The following KMT2E variants were observed in gnomAD, a reference collection of about 807,000 sequenced individuals.
KMT2E encodes the protein histone reader KMT2E.
Under a neutral mutation model 184.6 loss-of-function variants are expected in KMT2E, and 30 were observed. The ratio of observed to expected loss-of-function variants is 0.16; its 90% CI spans 0.12 to 0.22. The LOEUF is 0.22. Ranked by LOEUF, KMT2E falls within the 10% of genes least tolerant of loss-of-function variation. The pLI is 1.00. For missense variants in KMT2E, 2,023 were observed against 2,237.4 expected, an observed-to-expected ratio of 0.90 and a Z score of 1.93; for synonymous variants, 815 against 776.5, an observed-to-expected ratio of 1.05 and a Z score of -0.82.
intron 19 of KMT2E, 32 bp from the exon 20 acceptor site, chr7:105,106,490 T>C: frequency 1.3e-6 from 2 of 1,556,706 alleles, no homozygotes; most frequent in South Asian, 2.2e-5. Context: ...AGCAACAGTG[T>C]AATTTCTTAC....
intron 6 of KMT2E, among the ~76,000 whole-genome samples, chr7:105,069,418 TAAC>T (rs1797188163): frequency 6.6e-6 from 1 of 152,198 alleles, no homozygotes; most frequent in Non-Finnish European, 1.5e-5. Flanking sequence ...AGTCTTGGAG[TAAC>T]AACACCAGCA....
intron 17 of KMT2E, chr7:105,103,634 C>G (rs1584799317): frequency 6.6e-6 from 1 of 152,178 alleles, no homozygotes; most frequent in African/African-American, 2.4e-5. Context: ...ATGTGTTTCA[C>G]TACTGCAGTC....
intron 6 of KMT2E, among the ~76,000 whole-genome samples, chr7:105,067,223 G>T (rs1311385260): frequency 6.6e-6 from 1 of 151,700 alleles, no homozygotes; most frequent in Non-Finnish European, 1.5e-5. Flanking sequence ...TCAATAGTGT[G>T]TCATAGTTTA....
chr7:105,091,171 AG>A, intron 14 of KMT2E, 44 bp from the exon 15 acceptor site: 1 of 866,378 alleles, frequency 1.2e-6, no homozygotes. Context: ...CTAGTTGTAT[AG>A]ATGGAATAAT....
At chr7:105,043,797 C>T (rs999600597) in intron 3 of KMT2E, among the ~76,000 whole-genome samples, 19 of 152,054 alleles carry the variant, frequency 1.2e-4, no homozygotes, top group South Asian at 1.0e-3. Flanking sequence ...AGAAATATTA[C>T]GTAAATAATT....
chr7:105,095,488 T>C (rs1798367221), intron 15 of KMT2E, among the ~76,000 whole-genome samples: 1 of 152,144 alleles, frequency 6.6e-6, no homozygotes, highest in Non-Finnish European at 1.5e-5. Context: ...TCACACAAAA[T>C]ACTCAGGGAT....
intron 3 of KMT2E, among the ~76,000 whole-genome samples, chr7:105,059,986 T>TTTTTTTG (rs1562898233): frequency 8.0e-5 from 5 of 62,852 alleles, no homozygotes; most frequent in African/African-American, 6.2e-4. Flanking sequence ...TTGTTTTTTT[T>TTTTTTTG]TTTTTTTTTT....
At chr7:105,074,925 A>G (rs1452900266) in intron 8 of KMT2E, 110 bp downstream of exon 8, 2 of 738,432 alleles carry the variant, frequency 2.7e-6, no homozygotes, top group East Asian at 6.4e-5. Context: ...AAAAGGATCT[A>G]GCAGAAGTTT....
At chr7:105,029,572 C>G (rs980732059) in intron 1 of KMT2E, among the ~76,000 whole-genome samples, 2 of 151,968 alleles carry the variant, frequency 1.3e-5, no homozygotes, top group African/African-American at 4.8e-5. Context: ...ATGGTAGGGG[C>G]CATGGCGGCT....
chr7:105,019,577 T>A (rs1308049718), intron 1 of KMT2E, among the ~76,000 whole-genome samples: 1 of 152,224 alleles, frequency 6.6e-6, no homozygotes, highest in Non-Finnish European at 1.5e-5. Flanking sequence ...ATGTGTAAAC[T>A]ACTTGTTCAT....
At chr7:105,105,203 T>C in intron 17 of KMT2E, 1 of 363,108 alleles carries the variant, frequency 2.8e-6, no homozygotes, top group Non-Finnish European at 4.8e-6. Context: ...AATATAAATA[T>C]TTAAAAAGCA....
intron 1 of KMT2E, among the ~76,000 whole-genome samples, chr7:105,018,446 G>A (rs1330970770): frequency 6.6e-6 from 1 of 152,170 alleles, no homozygotes; most frequent in Non-Finnish European, 1.5e-5. Flanking sequence ...TTTCTTGGAT[G>A]TGAATCTTTT....
rs139589572 is a variant in KMT2E at position 105,111,697 on chromosome 7, G to A, written c.4069-128G>A. ...AACATCCCAAGCCTCCATAATTGAC[G>A]TATCCAGGATGTTATTTCCTGCCCC... is the stretch of plus-strand genomic sequence containing the variant. On this transcript the variant is annotated intron_variant, in intron 26 of 26. Coordinates refer to ENST00000311117, the MANE Select transcript of KMT2E (RefSeq NM_182931.3). 1,405 of 1,088,956 alleles carry A rather than the reference G, an allele frequency of 1.3e-3. 12 individuals carry two copies. The Middle Eastern group carries it at 0.017, about 13-fold the overall frequency. The allele number at this position is 1,088,956 out of a possible 1,614,324, so 67.5% of individuals were successfully genotyped here. A position where few individuals can be genotyped will look rare whatever the true frequency, so the allele number is the denominator to read the frequency against.
chr7:105,030,789 A>G (rs771138631), intron 1 of KMT2E, among the ~76,000 whole-genome samples: 1 of 152,236 alleles, frequency 6.6e-6, no homozygotes, highest in Non-Finnish European at 1.5e-5. Context: ...ATGTTTGGGA[A>G]CCAGTGGTTT....
intron 15 of KMT2E, among the ~76,000 whole-genome samples, chr7:105,093,057 T>C (rs10953467): frequency 0.19 from 28,504 of 151,976 alleles, 3,399 homozygotes; most frequent in East Asian, 0.58. Context: ...TAGCCAGGTG[T>C]GACAGTGCAT....
At chr7:105,071,180 G>A (rs563733284) in intron 6 of KMT2E, among the ~76,000 whole-genome samples, 31 of 152,180 alleles carry the variant, frequency 2.0e-4, no homozygotes, top group African/African-American at 7.0e-4. Context: ...GAGCTTCAAT[G>A]TACTGTATCT....
rs1199471277 is a variant in KMT2E at position 105,054,514 on chromosome 7, A to ATCTATCTG, written c.72-7647_72-7646insATCTGTCT. Among the ~76,000 whole-genome samples the ATCTATCTG allele has an allele frequency of 3.3e-4, 46 of 137,460 alleles. 1 individual carries two copies. Among genetic ancestry groups the ATCTATCTG allele is most frequent in the African/African-American group, 1.6e-4 (6 of 38,462 alleles). 90.2% of individuals were successfully genotyped at this position (137,460 alleles called of 152,430 possible). On this transcript the variant is annotated intron_variant, in intron 3 of 26. Coordinates refer to ENST00000311117, the MANE Select transcript of KMT2E (RefSeq NM_182931.3). The stretch of plus-strand genomic sequence containing the variant: ...TATCTATCTATCTATCTATCTATCT[A>ATCTATCTG]TCTGTCTGTCTGTCTATTTGAGATG...
At chr7:105,064,231 A>G in intron 5 of KMT2E, 1 of 278,092 alleles carries the variant, frequency 3.6e-6, no homozygotes, top group South Asian at 2.8e-5. Context: ...AAGAGGGAAC[A>G]GTAGGATTTC....
rs1799393545 is a variant in KMT2E, at chr7:105,112,993, G to A, written c.5237G>A (p.Gly1746Glu). ...GCCTTACACCACCCACCTCATCAAG[G>A]ACCTCCACTTTTTCCTTCGAGTGCT... ...AQALHHPPHQGPPLFPSSAHP... is the reference protein window; with the variant it reads ...AQALHHPPHQEPPLFPSSAHP... Residue 1746 changes from glycine to glutamate, a missense_variant, in exon 27 of 27, where the codon GGA (glycine) becomes GAA (glutamate). Around this residue, in one of 8 missense-constraint regions of KMT2E, gnomAD observed 1,108 missense variants for 1,050.9 expected, o/e 1.05. Coordinates refer to ENST00000311117, the MANE Select transcript of KMT2E (RefSeq NM_182931.3). 15 of 1,613,870 alleles carry A rather than the reference G, an allele frequency of 9.3e-6. No homozygotes were observed. Among genetic ancestry groups the A allele is most frequent in the Non-Finnish European group, 1.3e-5 (15 of 1,179,970 alleles).
Sources: allele counts gnomAD v4.1 joint callset (sites outside exome capture counted in the v4.1 genomes callset), GRCh38; gene constraint gnomAD v4.1.1; regional missense constraint gnomAD v4.1.1; transcripts MANE v1.5; gene names NCBI Gene and HGNC (gene_info 2026-07-23, HGNC 2026-07-21).